The following MCM3AP variants were observed in gnomAD, a reference collection of about 807,000 sequenced individuals.
MCM3AP encodes the protein germinal-center associated nuclear protein.
MCM3AP carries 126 observed loss-of-function variants against 184.1 expected under a neutral mutation model. The observed-to-expected ratio is 0.68, with a 90% confidence interval of 0.59 to 0.79. The LOEUF (loss-of-function observed/expected upper bound fraction) is 0.79, where lower values mean the gene tolerates loss of function less well. Among genes scored for constraint, MCM3AP ranks in the 30% least tolerant of loss-of-function variants. The pLI is 0.00. For missense variants in MCM3AP, 2,496 were observed against 2,479.2 expected (o/e 1.01, Z -0.14); for synonymous variants, 1,002 against 979.3 (o/e 1.02, Z -0.43).
chr21:46,270,931 A>G (rs1049489965), intron 8 of MCM3AP, among the ~76,000 whole-genome samples: 1 of 152,266 alleles, frequency 6.6e-6, no homozygotes, highest in African/African-American at 2.4e-5. Flanking sequence ...CTTCAAAACA[A>G]TAATGAATAG....
intron 27 of MCM3AP, 94 bp from the exon 28 acceptor site, chr21:46,235,520 C>T: frequency 1.7e-5 from 18 of 1,047,130 alleles, no homozygotes; most frequent in Non-Finnish European, 2.4e-5. Context: ...ATGTTAGAAA[C>T]CTCATCTGAG....
intron 17 of MCM3AP, chr21:46,256,487 T>G: frequency 2.4e-6 from 1 of 412,656 alleles, no homozygotes; most frequent in Non-Finnish European, 4.4e-6. Context: ...GGCAGGTACT[T>G]AAACTGGGAC....
chr21:46,238,585 G>GA (rs1204901855), intron 26 of MCM3AP, among the ~76,000 whole-genome samples: 2 of 120,094 alleles, frequency 1.7e-5, no homozygotes, highest in East Asian at 4.4e-4. Context: ...ATGGGTACCT[G>GA]TAGTCCCAGC....
intron 4 of MCM3AP, 22 bp from the exon 5 acceptor site, chr21:46,277,739 G>A: frequency 2.0e-6 from 3 of 1,463,960 alleles, no homozygotes; most frequent in South Asian, 1.4e-5. Context: ...ACACCACACT[G>A]AGGGCCCTCG....
Position 46,257,487 on chromosome 21 carries a change from A to C in MCM3AP, c.3735-501T>G, listed in dbSNP as rs1180985059. Among the ~76,000 whole-genome samples the C allele has an allele frequency of 4.0e-5, 6 of 150,688 alleles. 1 individual carries two copies. ...AAGGCTCCGTCTCAAAAAAAAAAAA[A>C]AAAAAAAAAAAAGATACATATATCC... On this transcript the variant is annotated intron_variant, in intron 16 of 27. Coordinates refer to ENST00000291688, the MANE Select transcript of MCM3AP (RefSeq NM_003906.5).
At chr21:46,283,907 G>A (rs911297568) in intron 1 of MCM3AP, 69 bp from the exon 2 acceptor site, 46 of 1,546,264 alleles carry the variant, frequency 3.0e-5, no homozygotes, top group Admixed American at 7.2e-5. Flanking sequence ...CAACTGTGTC[G>A]AAGCAGAGGA....
At chr21:46,283,253 G>A (rs552344252) in intron 2 of MCM3AP, among the ~76,000 whole-genome samples, 2 of 152,242 alleles carry the variant, frequency 1.3e-5, no homozygotes, top group East Asian at 3.9e-4. Flanking sequence ...TTGTTTGAAC[G>A]TTTACAGCGA....
intron 5 of MCM3AP, 22 bp from the exon 6 acceptor site, chr21:46,275,347 G>A (rs1193115980): frequency 6.2e-6 from 10 of 1,605,828 alleles, no homozygotes; most frequent in Non-Finnish European, 8.5e-6. Context: ...CAAGTAAAAG[G>A]TAAGAATGTA....
intron 19 of MCM3AP, chr21:46,252,858 G>A (rs1385083876): frequency 6.6e-6 from 1 of 151,516 alleles, no homozygotes; most frequent in Non-Finnish European, 1.5e-5. Context: ...AAAATAAACT[G>A]TAAGCCGGGT....
At chr21:46,268,595 C>G (rs1444375788) in intron 9 of MCM3AP, among the ~76,000 whole-genome samples, 2 of 152,208 alleles carry the variant, frequency 1.3e-5, no homozygotes, top group Admixed American at 1.3e-4. Flanking sequence ...CAGCGCCGTG[C>G]GGCTCTGCGA....
intron 17 of MCM3AP, among the ~76,000 whole-genome samples, chr21:46,255,310 T>C (rs1349540216): frequency 6.6e-6 from 1 of 151,932 alleles, no homozygotes; most frequent in Non-Finnish European, 1.5e-5. Flanking sequence ...CTGGTGTGTT[T>C]GGGGAGAGCA....
At chr21:46,250,413 C>G (rs1162992089) in intron 20 of MCM3AP, 1 of 152,316 alleles carries the variant, frequency 6.6e-6, no homozygotes, top group African/African-American at 2.4e-5. Flanking sequence ...GATCTCCTGC[C>G]CCGTGAGCTG....
intron 4 of MCM3AP, among the ~76,000 whole-genome samples, chr21:46,278,537 A>G (rs1368757081): frequency 1.3e-5 from 2 of 152,234 alleles, no homozygotes; most frequent in Non-Finnish European, 2.9e-5. Context: ...GCCTTTGAGA[A>G]CAGAGTTCCC....
Position 46,270,582 on chromosome 21 carries a change from A to C in MCM3AP, c.2466-19T>G. 1.9e-6 allele frequency: 3 copies of C among 1,571,634 alleles called. No homozygotes were observed. The highest frequency in any genetic ancestry group is 2.6e-6 in the Non-Finnish European group (3 of 1,160,904). The stretch of plus-strand genomic sequence containing the variant: ...TACTTCTCTGTTAATTAAAGGAGAG[A>C]AAAGGGGTTGGAATGTTATTTTAAA... On this transcript the variant is annotated intron_variant, in intron 8 of 27. Transcript: ENST00000291688.
intron 27 of MCM3AP, 108 bp downstream of exon 27, chr21:46,236,721 G>A (rs2080532466): frequency 2.7e-6 from 2 of 732,110 alleles, no homozygotes; most frequent in African/African-American, 1.9e-5. Flanking sequence ...CTAATAATTT[G>A]TCGGTCATCA....
intron 17 of MCM3AP, among the ~76,000 whole-genome samples, 181 bp from the exon 18 acceptor site, chr21:46,255,025 A>AT (rs1312001063): frequency 2.0e-5 from 3 of 152,178 alleles, no homozygotes; most frequent in African/African-American, 7.2e-5. Context: ...GCTATGGGAG[A>AT]TTCAGCAATA....
chr21:46,275,624 C>T (rs779603510), intron 5 of MCM3AP, among the ~76,000 whole-genome samples: 10 of 152,080 alleles, frequency 6.6e-5, no homozygotes, highest in Non-Finnish European at 1.3e-4. Flanking sequence ...AGTCACAGAC[C>T]CTCACTGCAG....
chr21:46,260,511 TG>T (rs1291643056), intron 15 of MCM3AP, among the ~76,000 whole-genome samples: 1 of 152,224 alleles, frequency 6.6e-6, no homozygotes, highest in African/African-American at 2.4e-5. Context: ...TGCAATCAAT[TG>T]GAAGTGTCTC....
chr21:46,265,285 T>C (rs999279046), intron 12 of MCM3AP, 36 bp downstream of exon 12: 1 of 1,599,320 alleles, frequency 6.3e-7, no homozygotes, highest in African/African-American at 1.3e-5. Context: ...ACAATGGGCT[T>C]CCCAGAGTCC....
Sources: allele counts gnomAD v4.1 joint callset (sites outside exome capture counted in the v4.1 genomes callset), GRCh38; gene constraint gnomAD v4.1.1; transcripts MANE v1.5; gene names NCBI Gene and HGNC (gene_info 2026-07-23, HGNC 2026-07-21).